The following GPM6A variants were observed in gnomAD, a reference collection of about 807,000 sequenced individuals.
GPM6A encodes glycoprotein M6A.
A neutral mutation model predicts 32.1 loss-of-function variants in GPM6A; 7 were observed. The observed-to-expected ratio is 0.22, with a 90% CI of 0.12 to 0.41. GPM6A has a LOEUF of 0.41. Among genes scored for constraint, GPM6A ranks in the 10% least tolerant of loss-of-function variants. The pLI is 1.00. For missense variants in GPM6A, 235 were observed against 347.2 expected, an observed-to-expected ratio of 0.68 and a Z score of 2.57; for synonymous variants, 130 against 123.4, an observed-to-expected ratio of 1.05 and a Z score of -0.35.
chr4:175,921,763 T>C (rs1027639598), intron 1 of GPM6A, among the ~76,000 whole-genome samples: 1 of 152,242 alleles, frequency 6.6e-6, no homozygotes, highest in Admixed American at 6.5e-5. Context: ...ACTAGCTTTC[T>C]TGCCTTTGTT....
chr4:175,706,730 T>C (rs1170824077), intron 1 of GPM6A, among the ~76,000 whole-genome samples: 1 of 152,124 alleles, frequency 6.6e-6, no homozygotes, highest in Non-Finnish European at 1.5e-5. Context: ...GAAATAAGGC[T>C]GAGACCTGCT....
At chr4:175,894,860 G>T (rs1737750480) in intron 1 of GPM6A, among the ~76,000 whole-genome samples, 1 of 152,138 alleles carries the variant, frequency 6.6e-6, no homozygotes, top group South Asian at 2.1e-4. Flanking sequence ...TTCAAAAAGA[G>T]ATTAAGTATC....
intron 1 of GPM6A, among the ~76,000 whole-genome samples, chr4:175,811,562 AT>A (rs1452844208): frequency 6.6e-6 from 1 of 152,202 alleles, no homozygotes; most frequent in African/African-American, 2.4e-5. Context: ...ACATAAAAAA[AT>A]TTCCTTTAAC....
chr4:175,723,734 A>G (rs1405197501), intron 1 of GPM6A, among the ~76,000 whole-genome samples: 2 of 152,182 alleles, frequency 1.3e-5, no homozygotes, highest in Non-Finnish European at 2.9e-5. Context: ...ATTTATAAAG[A>G]CATATTAAGT....
intron 1 of GPM6A, among the ~76,000 whole-genome samples, chr4:175,820,946 A>G (rs143022747): frequency 2.6e-5 from 4 of 152,342 alleles, no homozygotes; most frequent in East Asian, 1.9e-4. Context: ...AAAAATTACA[A>G]TGAATATTTT....
At chr4:175,994,829 G>T (rs1441256784) in intron 1 of GPM6A, among the ~76,000 whole-genome samples, 9 of 152,308 alleles carry the variant, frequency 5.9e-5, no homozygotes, top group East Asian at 5.8e-4. Context: ...TTTACTCATA[G>T]TAGAACTTTC....
intron 1 of GPM6A, among the ~76,000 whole-genome samples, chr4:175,845,513 T>C (rs1413419937): frequency 6.6e-6 from 1 of 152,148 alleles, no homozygotes; most frequent in Non-Finnish European, 1.5e-5. Flanking sequence ...TCTATGCATA[T>C]ATAGAGTTAC....
chr4:175,841,842 T>C (rs1161911548), intron 1 of GPM6A, among the ~76,000 whole-genome samples: 3 of 152,120 alleles, frequency 2.0e-5, no homozygotes, highest in African/African-American at 7.2e-5. Flanking sequence ...AACGGAGAAG[T>C]AAAATATAAG....
chr4:175,975,555 C>G (rs1476396005), intron 1 of GPM6A, among the ~76,000 whole-genome samples: 1 of 152,110 alleles, frequency 6.6e-6, no homozygotes, highest in African/African-American at 2.4e-5. Flanking sequence ...ACAAAACAAC[C>G]AAAAAATCCA....
intron 1 of GPM6A, among the ~76,000 whole-genome samples, chr4:175,924,632 G>A (rs1037988563): frequency 6.6e-6 from 1 of 152,092 alleles, no homozygotes; most frequent in Non-Finnish European, 1.5e-5. Context: ...CTGAGGTCAG[G>A]GGTTCGAGAC....
intron 4 of GPM6A, among the ~76,000 whole-genome samples, chr4:175,649,713 G>T (rs955054257): frequency 2.2e-4 from 33 of 152,030 alleles, no homozygotes; most frequent in African/African-American, 8.0e-4. Context: ...CTGAGAGTAG[G>T]GTTAACAGAT....
intron 1 of GPM6A, among the ~76,000 whole-genome samples, chr4:176,000,020 T>C (rs746867413): frequency 4.2e-4 from 64 of 152,186 alleles, no homozygotes; most frequent in Non-Finnish European, 8.5e-4. Flanking sequence ...GCCCCTCTTA[T>C]TGGCTCTTCC....
chr4:175,825,391 G>A (rs1194781678), intron 1 of GPM6A, among the ~76,000 whole-genome samples: 2 of 152,172 alleles, frequency 1.3e-5, no homozygotes, highest in African/African-American at 4.8e-5. Context: ...TATATATTGA[G>A]TGCTTACCAT....
chr4:175,726,807 C>A (rs564855700), intron 1 of GPM6A, among the ~76,000 whole-genome samples: 3 of 152,268 alleles, frequency 2.0e-5, no homozygotes, highest in African/African-American at 4.8e-5. Context: ...ACGAGCCCAG[C>A]CAACATGGTG....
At chr4:175,970,011 T>C (rs1187027690) in intron 1 of GPM6A, among the ~76,000 whole-genome samples, 1 of 152,244 alleles carries the variant, frequency 6.6e-6, no homozygotes, top group African/African-American at 2.4e-5. Context: ...AATTCAGCAA[T>C]TACTTTCAGA....
chr4:175,666,406 G>A (rs1299397874), intron 3 of GPM6A, among the ~76,000 whole-genome samples: 10 of 152,148 alleles, frequency 6.6e-5, no homozygotes, highest in African/African-American at 2.2e-4. Flanking sequence ...GTCTCAATAT[G>A]TTGTGAAGCG....
intron 1 of GPM6A, among the ~76,000 whole-genome samples, chr4:175,774,589 C>G (rs1733319754): frequency 6.6e-6 from 1 of 151,978 alleles, no homozygotes; most frequent in South Asian, 2.1e-4. Context: ...TAAAAACAAT[C>G]AGCCACTGAG....
intron 1 of GPM6A, among the ~76,000 whole-genome samples, chr4:175,914,926 C>T (rs545567247): frequency 1.4e-4 from 21 of 152,240 alleles, no homozygotes; most frequent in African/African-American, 4.8e-4. Flanking sequence ...AATCAAGAAC[C>T]TAGAAAAGTG....
chr4:175,653,404 C>A (rs1256994069), intron 3 of GPM6A, among the ~76,000 whole-genome samples: 1 of 152,100 alleles, frequency 6.6e-6, no homozygotes, highest in African/African-American at 2.4e-5. Context: ...ACTCTTACTT[C>A]CTTTTTGTCT....
Sources: gnomAD v4.1 joint callset for allele counts (sites outside exome capture counted in the v4.1 genomes callset) on GRCh38, gnomAD v4.1.1 for gene constraint, MANE v1.5 for transcripts, NCBI Gene and HGNC (gene_info 2026-07-23, HGNC 2026-07-21) for gene names.